Variants in LIN52 observed in about 807,000 individuals in gnomAD.
LIN52 encodes the protein protein lin-52 homolog.
Under a neutral mutation model 18.5 loss-of-function variants are expected in LIN52, and 4 were observed. The ratio of observed to expected loss-of-function variants is 0.22; its 90% CI spans 0.11 to 0.49. The LOEUF (loss-of-function observed/expected upper bound fraction) is 0.49. Among genes scored for constraint, LIN52 ranks in the 20% least tolerant of loss-of-function variants. LIN52 has a pLI of 0.97. For synonymous variants in LIN52, 34 were observed against 45.5 expected (o/e 0.75, Z 1.02); for missense variants, 102 against 139.5 (o/e 0.73, Z 1.35).
At chr14:74,087,633 G>A (rs1040418031) in intron 1 of LIN52, among the ~76,000 whole-genome samples, 9 of 151,856 alleles carry the variant, frequency 5.9e-5, no homozygotes, top group African/African-American at 2.2e-4. Flanking sequence ...AATATTCCAC[G>A]GCCTAGCTCT....
At chr14:74,156,805 C>T (rs981568231) in intron 5 of LIN52, among the ~76,000 whole-genome samples, 1 of 152,270 alleles carries the variant, frequency 6.6e-6, no homozygotes, top group South Asian at 2.1e-4. Context: ...TACCTCTCCC[C>T]TCCCCTTCCT....
chr14:74,097,300 G>GT (rs1220166075), intron 3 of LIN52, among the ~76,000 whole-genome samples: 1 of 152,080 alleles, frequency 6.6e-6, no homozygotes, highest in African/African-American at 2.4e-5. Flanking sequence ...GATGAGCCAT[G>GT]TTTTTTGCAG....
chr14:74,155,261 AT>A (rs1297950383), intron 5 of LIN52, among the ~76,000 whole-genome samples: 6 of 152,244 alleles, frequency 3.9e-5, no homozygotes, highest in African/African-American at 1.4e-4. Context: ...CCATAAATAA[AT>A]TAGGAATTCA....
At chr14:74,190,446 C>A (rs948200824) in intron 5 of LIN52, among the ~76,000 whole-genome samples, 1 of 132,512 alleles carries the variant, frequency 7.5e-6, no homozygotes, top group Admixed American at 8.6e-5. Context: ...GGCTTGAGTA[C>A]ACTGGTGCGA....
In LIN52 at chr14:74,144,226, G is replaced by C. The variant is rs184952443; in HGVS notation, c.283+42988G>C. On this transcript the variant is annotated intron_variant, in intron 5 of 5. Transcript: ENST00000555028. ...TGCAGCTTCGACCCTGGGGTCAAGA[G>C]ATCCTTCCGCCTCAGCCTCCCAAGT... 2.2e-3 allele frequency among the ~76,000 whole-genome samples: 334 copies of C among 151,902 alleles called. 2 individuals carry two copies. Among genetic ancestry groups the C allele is most frequent in the African/African-American group, 7.7e-3 (318 of 41,406 alleles).
chr14:74,099,804 A>G (rs1286359885), intron 4 of LIN52, among the ~76,000 whole-genome samples: 2 of 152,162 alleles, frequency 1.3e-5, no homozygotes, highest in Admixed American at 6.6e-5. Context: ...GGGGGCCACA[A>G]GATCAGATGA....
At chr14:74,171,363 T>TAA (rs527734909) in intron 5 of LIN52, among the ~76,000 whole-genome samples, 60 of 122,898 alleles carry the variant, frequency 4.9e-4, no homozygotes, top group Middle Eastern at 4.1e-3. Flanking sequence ...AGAGCCTGTC[T>TAA]AAAAAAAAAA....
chr14:74,096,673 C>T (rs1363253925), intron 3 of LIN52, among the ~76,000 whole-genome samples: 1 of 152,004 alleles, frequency 6.6e-6, no homozygotes, highest in African/African-American at 2.4e-5. Context: ...ACCTTTTGTG[C>T]ATGACAGAAT....
rs138806503 is a variant in LIN52 at position 74,094,524 on chromosome 14, A to G, written c.95-1424A>G. ...TCTTTCCACCTTGGCCTCCCAGAGC[A>G]CTGGGATTACAGGTGTGAGGCACTG... On this transcript the variant is annotated intron_variant, in intron 2 of 5. Coordinates refer to ENST00000555028, the MANE Select transcript of LIN52 (RefSeq NM_001024674.3). Among the ~76,000 whole-genome samples the G allele has an allele frequency of 2.2e-3, 340 of 152,038 alleles. 1 individual carries two copies. The highest frequency in any genetic ancestry group is 4.1e-3 in the Non-Finnish European group (278 of 67,954).
intron 5 of LIN52, among the ~76,000 whole-genome samples, chr14:74,146,217 T>A (rs920770731): frequency 2.6e-5 from 4 of 152,202 alleles, no homozygotes; most frequent in Non-Finnish European, 4.4e-5. Context: ...TTGATGAACA[T>A]GTTTGATAAA....
At position 74,185,572 on chromosome 14, in the gene LIN52, G is replaced by C. The variant is rs146584633; in HGVS notation, c.284-13350G>C. On this transcript the variant is annotated intron_variant, in intron 5 of 5. Transcript: ENST00000555028. ...TCGTGATCTGCCTGCCTCGGCCTCC[G>C]AAAGTGCTGGGATTACAGGCATGAG... Among the ~76,000 whole-genome samples the C allele has an allele frequency of 5.3e-3, 809 of 151,940 alleles. 21 individuals carry two copies. The highest frequency in any genetic ancestry group is 0.041 in the Admixed American group (630 of 15,268).
intron 5 of LIN52, among the ~76,000 whole-genome samples, chr14:74,163,261 G>A (rs1248509497): frequency 6.6e-6 from 1 of 151,736 alleles, no homozygotes; most frequent in African/African-American, 2.4e-5. Flanking sequence ...TTGTATTTTT[G>A]TAGAGACGGG....
chr14:74,126,050 AG>A (rs775265658), intron 5 of LIN52, among the ~76,000 whole-genome samples: 10,005 of 151,414 alleles, frequency 0.066, 502 homozygotes, highest in South Asian at 0.25. Context: ...AAAAAAAAAA[AG>A]AAATGAGCAA....
At chr14:74,114,453 T>C (rs1403160290) in intron 5 of LIN52, 2 of 984,354 alleles carry the variant, frequency 2.0e-6, no homozygotes, top group Non-Finnish European at 2.4e-6. Context: ...GCACTGACAA[T>C]AGATTTTTCA....
At chr14:74,173,230 C>T (rs969252761) in intron 5 of LIN52, among the ~76,000 whole-genome samples, 4 of 152,102 alleles carry the variant, frequency 2.6e-5, no homozygotes, top group Non-Finnish European at 5.9e-5. Context: ...TCTTGTTGCC[C>T]AGGCTGGAGT....
chr14:74,169,896 T>C (rs1042575935), intron 5 of LIN52, among the ~76,000 whole-genome samples: 2 of 152,176 alleles, frequency 1.3e-5, no homozygotes, highest in Non-Finnish European at 2.9e-5. Flanking sequence ...AGTTCATGGC[T>C]GACATGATGG....
intron 5 of LIN52, among the ~76,000 whole-genome samples, chr14:74,153,600 A>G (rs988402316): frequency 2.7e-5 from 4 of 150,934 alleles, no homozygotes; most frequent in Non-Finnish European, 5.9e-5. Flanking sequence ...GCTGGAGTAC[A>G]GTGGCGCAAT....
chr14:74,185,714 A>G (rs1463019786), intron 5 of LIN52, among the ~76,000 whole-genome samples: 1 of 152,174 alleles, frequency 6.6e-6, no homozygotes, highest in South Asian at 2.1e-4. Context: ...CTAACTACAT[A>G]TAACAACAAG....
intron 5 of LIN52, among the ~76,000 whole-genome samples, chr14:74,105,061 G>A (rs945882136): frequency 1.6e-4 from 24 of 152,048 alleles, no homozygotes; most frequent in African/African-American, 5.8e-4. Context: ...GGCATGATGG[G>A]ATAAATGATT....
Sources: allele counts gnomAD v4.1 joint callset (sites outside exome capture counted in the v4.1 genomes callset), GRCh38; gene constraint gnomAD v4.1.1; transcripts MANE v1.5; gene names NCBI Gene and HGNC (gene_info 2026-07-23, HGNC 2026-07-21).